The following ALOX15B variants were observed in gnomAD, a reference collection of about 807,000 sequenced individuals.
The protein encoded by ALOX15B is arachidonate 15-lipoxygenase type B, also known as polyunsaturated fatty acid lipoxygenase ALOX15B.
Under a neutral mutation model 73.8 loss-of-function variants are expected in ALOX15B, and 74 were observed. The ratio of observed to expected loss-of-function variants is 1.00; its 90% CI spans 0.83 to 1.22. The LOEUF is 1.22. ALOX15B is among the 50% of genes most tolerant of loss of function. ALOX15B has a pLI of 0.00. For synonymous variants in ALOX15B, 353 were observed against 357.2 expected (o/e 0.99, Z 0.13); for missense variants, 896 against 859.9 (o/e 1.04, Z -0.52).
chr17:8,042,517 C>T (rs937516545), intron 4 of ALOX15B, 26 bp downstream of exon 4: 2 of 1,610,476 alleles, frequency 1.2e-6, no homozygotes, highest in Non-Finnish European at 1.7e-6. Flanking sequence ...CTTCCCTGCC[C>T]CTGGGCCTCA....
At position 8,046,691 on chromosome 17, in the gene ALOX15B, C is replaced by A; in HGVS notation, c.1224C>A (p.Tyr408Ter). The change falls in exon 9 of 14, where the codon TAC (tyrosine) becomes TAA (stop). Residue 408 changes from tyrosine to a stop codon, truncating the protein, a stop_gained. Coordinates refer to ENST00000380183, the MANE Select transcript of ALOX15B (RefSeq NM_001141.3). LOFTEE classifies it high-confidence loss of function. ...AGCTGCTGATCCCGCACACCCGATA[C>A]ACCCTGCACATCAACACACTCGCCC... ...LFKLLIPHTR[Y>*]TLHINTLARE... 1 of 1,613,982 alleles carries A rather than the reference C, an allele frequency of 6.2e-7. No individual in the cohort carries two copies. Among genetic ancestry groups the A allele is most frequent in the Non-Finnish European group, 8.5e-7 (1 of 1,179,942 alleles).
intron 8 of ALOX15B, 106 bp downstream of exon 8, chr17:8,045,792 C>G (rs1976593623): frequency 4.8e-6 from 6 of 1,261,232 alleles, no homozygotes; most frequent in Non-Finnish European, 6.6e-6. Context: ...ATGCAGAGCC[C>G]CCGTCCGCTT....
At chr17:8,042,336 T>C (rs1217954992) in intron 3 of ALOX15B, 33 bp from the exon 4 acceptor site, 2 of 1,611,050 alleles carry the variant, frequency 1.2e-6, no homozygotes, top group Admixed American at 3.3e-5. Flanking sequence ...CCCTGAGGCC[T>C]CTTGCTGACC....
Position 8,048,423 on chromosome 17 carries a change from A to G in ALOX15B, c.1889A>G (p.Glu630Gly), listed in dbSNP as rs1489570619. 1 of 1,614,034 alleles carries G rather than the reference A, an allele frequency of 6.2e-7. No homozygotes were observed. The change falls in exon 14 of 14, where the codon GAG (glutamate) becomes GGG (glycine). Residue 630 changes from glutamate to glycine, a missense_variant. Coordinates refer to ENST00000380183, the MANE Select transcript of ALOX15B (RefSeq NM_001141.3). ...LGTYPDEHFT[E>G]EAPRRSIATF... is the part of the protein sequence containing the mutation. Reference sequence around the variant, plus strand: ...ACCTATCCGGATGAGCACTTCACAGAGGAGGCCCCTCGGCGGAGCATCGCC... The same window carrying G: ...ACCTATCCGGATGAGCACTTCACAGGGGAGGCCCCTCGGCGGAGCATCGCC...
In ALOX15B at chr17:8,042,768, C is replaced by A; in HGVS notation, c.573-13C>A. 1.3e-6 allele frequency: 2 copies of A among 1,550,354 alleles called. No homozygotes were observed. Among genetic ancestry groups the A allele is most frequent in the Non-Finnish European group, 1.7e-6 (2 of 1,145,750 alleles). ...CCTCCTCCCCACTCCCCACCCCTCACATCCCCTGGCAGTTTTGCAGAGATG... is the reference window on the plus strand; with the variant it reads ...CCTCCTCCCCACTCCCCACCCCTCAAATCCCCTGGCAGTTTTGCAGAGATG... On this transcript the variant is annotated splice_polypyrimidine_tract_variant and intron_variant, in intron 4 of 13. Coordinates refer to ENST00000380183, the MANE Select transcript of ALOX15B (RefSeq NM_001141.3).
chr17:8,042,704 G>A (rs921961228), intron 4 of ALOX15B, 77 bp from the exon 5 acceptor site: 3 of 1,413,036 alleles, frequency 2.1e-6, no homozygotes, highest in African/African-American at 1.4e-5. Flanking sequence ...AGGATCCCAA[G>A]AGGCATAAGG....
chr17:8,046,755 G>C lies in ALOX15B; in HGVS notation c.1287+1G>C, dbSNP rs752150108. 1.2e-6 allele frequency: 2 copies of C among 1,613,494 alleles called. No individual in the cohort carries two copies. Among genetic ancestry groups the C allele is most frequent in the Non-Finnish European group, 1.7e-6 (2 of 1,179,848 alleles). The stretch of plus-strand genomic sequence containing the variant: ...CGTGCCAGGGCAGGTGGTGGACAGG[G>C]TGAGAGCTGTGTTGGGGAGGGAGTA... On this transcript the variant is annotated splice_donor_variant, in intron 9 of 13. Coordinates refer to ENST00000380183, the MANE Select transcript of ALOX15B (RefSeq NM_001141.3). LOFTEE classifies it high-confidence loss of function.
chr17:8,039,103 A>T lies in ALOX15B; in HGVS notation c.-53A>T. 6.4e-7 allele frequency: 1 copy of T among 1,568,456 alleles called. No individual in the cohort carries two copies. The highest frequency in any genetic ancestry group is 1.4e-5 in the African/African-American group (1 of 72,134). ...AATAACCAGGCGTGTCCCAGGGGGG[A>T]GCCCCGCTCTGCAGCCCTGTGCGCC... On this transcript the variant is annotated 5_prime_UTR_variant, in exon 1 of 14. Coordinates refer to ENST00000380183, the MANE Select transcript of ALOX15B (RefSeq NM_001141.3).
chr17:8,042,539 A>G, intron 4 of ALOX15B, 48 bp downstream of exon 4: 1 of 1,602,640 alleles, frequency 6.2e-7, no homozygotes, highest in East Asian at 2.2e-5. Flanking sequence ...ATGCCCTATG[A>G]CCTCTGCCTT....
chr17:8,046,837 C>T (rs1194883165), intron 9 of ALOX15B, 70 bp from the exon 10 acceptor site: 3 of 1,611,064 alleles, frequency 1.9e-6, no homozygotes, highest in Non-Finnish European at 2.5e-6. Flanking sequence ...AGTGGCCCAT[C>T]TCCCCGACAC....
intron 6 of ALOX15B, 40 bp from the exon 7 acceptor site, chr17:8,045,198 G>A: frequency 6.2e-7 from 1 of 1,613,182 alleles, no homozygotes; most frequent in Non-Finnish European, 8.5e-7. Context: ...CCTTCATTTA[G>A]AAAACCAGGT....
At chr17:8,046,568 T>C in intron 8 of ALOX15B, 100 bp from the exon 9 acceptor site, 2 of 1,268,130 alleles carry the variant, frequency 1.6e-6, no homozygotes, top group Non-Finnish European at 2.2e-6. Context: ...TCTTGTTGCC[T>C]CTTTCCAAGT....
intron 3 of ALOX15B, among the ~76,000 whole-genome samples, chr17:8,041,806 G>C (rs1381346021): frequency 6.6e-6 from 1 of 152,190 alleles, no homozygotes; most frequent in Non-Finnish European, 1.5e-5. Context: ...CTCTCTATGG[G>C]ACACCTACCA....
chr17:8,047,732 T>G lies in ALOX15B; in HGVS notation c.1681-13T>G, dbSNP rs1976652249. The stretch of plus-strand genomic sequence containing the variant: ...CCAGCTCCTCAGCCTCATTCTGCCC[T>G]CTCGGCCTTCAGTTTGACTCCTGTG... On this transcript the variant is annotated splice_polypyrimidine_tract_variant and intron_variant, in intron 12 of 13. Transcript: ENST00000380183. The G allele has an allele frequency of 6.2e-7, 1 of 1,614,102 alleles. No individual in the cohort carries two copies. The highest frequency in any genetic ancestry group is 2.2e-5 in the East Asian group (1 of 44,868).
rs144385683 is a variant in ALOX15B, at chr17:8,048,519, A to G, written c.1985A>G (p.Tyr662Cys). Reference protein sequence around the residue: ...QERNQGLVLPYTYLDPPLIEN... With the variant: ...QERNQGLVLPCTYLDPPLIEN... ...CGGAACCAGGGCCTGGTGCTGCCCTACACCTACCTAGACCCTCCCCTCATC... is the reference window on the plus strand; with the variant it reads ...CGGAACCAGGGCCTGGTGCTGCCCTGCACCTACCTAGACCCTCCCCTCATC... The change falls in exon 14 of 14, where the codon TAC becomes TGC. Residue 662 changes from tyrosine (Y) to cysteine (C), a missense_variant. By Grantham distance (194) the Tyr-to-Cys change is radical. Coordinates refer to ENST00000380183, the MANE Select transcript of ALOX15B (RefSeq NM_001141.3). The G allele has an allele frequency of 6.2e-7, 1 of 1,614,116 alleles. No homozygotes were observed.
At chr17:8,046,880 G>A (rs1268586498) in intron 9 of ALOX15B, 27 bp from the exon 10 acceptor site, 1 of 1,613,548 alleles carries the variant, frequency 6.2e-7, no homozygotes, top group Admixed American at 1.7e-5. Context: ...AGCAAGGTCT[G>A]TAGGACCCAA....
chr17:8,045,149 C>T, intron 6 of ALOX15B, 89 bp from the exon 7 acceptor site: 1 of 1,600,958 alleles, frequency 6.2e-7, no homozygotes, highest in African/African-American at 1.3e-5. Context: ...ACACACTCCT[C>T]TCCCAGCCCT....
At chr17:8,041,549 G>A (rs1053094011) in intron 3 of ALOX15B, among the ~76,000 whole-genome samples, 24 of 152,194 alleles carry the variant, frequency 1.6e-4, no homozygotes, top group African/African-American at 3.4e-4. Flanking sequence ...GAAGGGTTTG[G>A]CCACCACCTG....
chr17:8,048,433 T>C lies in ALOX15B; in HGVS notation c.1899T>C (p.Pro633=). 1.9e-6 allele frequency: 3 copies of C among 1,614,036 alleles called. No individual in the cohort carries two copies. Among genetic ancestry groups the C allele is most frequent in the Non-Finnish European group, 1.7e-6 (2 of 1,180,004 alleles). The change falls in exon 14 of 14, where the codon CCT becomes CCC. Residue 633 remains proline (P), a synonymous_variant. Transcript: ENST00000380183. Reference sequence around the variant, plus strand: ...ATGAGCACTTCACAGAGGAGGCCCCTCGGCGGAGCATCGCCACCTTCCAGA... The same window carrying C: ...ATGAGCACTTCACAGAGGAGGCCCCCCGGCGGAGCATCGCCACCTTCCAGA... ...YPDEHFTEEA[P]RRSIATFQSR... is the part of the protein sequence containing the mutation.
Sources: allele counts gnomAD v4.1 joint callset (sites outside exome capture counted in the v4.1 genomes callset), GRCh38; gene constraint gnomAD v4.1.1; transcripts MANE v1.5; gene names NCBI Gene and HGNC (gene_info 2026-07-23, HGNC 2026-07-21).